The following AMHR2 variants were observed in gnomAD, a reference collection of about 807,000 sequenced individuals.
AMHR2 encodes the protein anti-Muellerian hormone type-2 receptor.
A neutral mutation model predicts 61.4 loss-of-function variants in AMHR2; 36 were observed. The observed-to-expected ratio is 0.59, with a 90% CI of 0.45 to 0.77. The LOEUF is 0.77. AMHR2 is among the 30% of genes least tolerant of loss of function. AMHR2 has a pLI of 0.00. For synonymous variants in AMHR2, 258 were observed against 279.4 expected (o/e 0.92, Z 0.76); for missense variants, 638 against 714.6 (o/e 0.89, Z 1.22).
intron 10 of AMHR2, chr12:53,430,882 A>G: frequency 2.0e-6 from 1 of 495,906 alleles, no homozygotes; most frequent in Non-Finnish European, 3.7e-6. Flanking sequence ...CTTGCAGAAG[A>G]CTCTGGCTCT....
At chr12:53,424,952 A>T (rs1182152998) in intron 3 of AMHR2, 52 bp downstream of exon 3, 1 of 1,582,664 alleles carries the variant, frequency 6.3e-7, no homozygotes, top group African/African-American at 1.3e-5. Context: ...CCAGGTTAGG[A>T]TGAGAGGTGG....
In AMHR2 at chr12:53,424,345, C is replaced by T; in HGVS notation, c.107C>T (p.Thr36Ile). Residue 36 changes from threonine (T) to isoleucine (I), a missense_variant, in exon 2 of 11, where the codon ACA (threonine) becomes ATA (isoleucine). Transcript: ENST00000257863. Reference protein sequence around the residue: ...FFEAPGVRGSTKTLGELLDTG... With the variant: ...FFEAPGVRGSIKTLGELLDTG... ...GAGGCCCCTGGAGTGCGGGGAAGCA[C>T]AAAGACACTGGGAGAGCTGCTAGAT... The T allele has an allele frequency of 6.2e-7, 1 of 1,613,304 alleles. No individual in the cohort carries two copies.
intron 3 of AMHR2, 23 bp downstream of exon 3, chr12:53,424,923 G>A (rs751139242): frequency 6.2e-7 from 1 of 1,604,868 alleles, no homozygotes; most frequent in Non-Finnish European, 8.5e-7. Context: ...GGGTACTGAA[G>A]CCTGATGGGG....
At chr12:53,430,734 TA>T in intron 10 of AMHR2, 3 of 348,854 alleles carry the variant, frequency 8.6e-6, no homozygotes, top group South Asian at 2.8e-5. Context: ...GTTCTAGGTA[TA>T]AAAGGTGAAA....
chr12:53,429,997 G>C lies in AMHR2; in HGVS notation c.1288+19G>C. ...AGGCCTGGTAAGGATGGGTGGTACA[G>C]TCCCCTCTCCTGGGCTCCCCCCCGC... On this transcript the variant is annotated intron_variant, in intron 9 of 10. Transcript: ENST00000257863. 6.2e-7 allele frequency: 1 copy of C among 1,614,176 alleles called. No individual in the cohort carries two copies. Among genetic ancestry groups the C allele is most frequent in the Non-Finnish European group, 8.5e-7 (1 of 1,180,030 alleles).
chr12:53,431,339 C>T lies in AMHR2; in HGVS notation c.1588C>T (p.Pro530Ser). The T allele has an allele frequency of 6.2e-7, 1 of 1,614,204 alleles. No homozygotes were observed. The highest frequency in any genetic ancestry group is 8.5e-7 in the Non-Finnish European group (1 of 1,180,046). The stretch of plus-strand genomic sequence containing the variant: ...TCCACGTGGCTGCCCACCTCTCTGC[C>T]CAGAAGACTGTACTTCAATTCCTGC... Reference protein sequence around the residue: ...SCPRGCPPLCPEDCTSIPAPT... With the variant: ...SCPRGCPPLCSEDCTSIPAPT... The change falls in exon 11 of 11, where the codon CCA becomes TCA. Residue 530 changes from proline to serine, a missense_variant. Pro to Ser is a moderately conservative substitution (Grantham distance 74). Transcript: ENST00000257863.
Position 53,431,477 on chromosome 12 carries a change from T to C in AMHR2, c.*4T>C, listed in dbSNP as rs537085603. The C allele has an allele frequency of 1.2e-6, 2 of 1,614,112 alleles. No individual in the cohort carries two copies. The highest frequency in any genetic ancestry group is 1.7e-5 in the Admixed American group (1 of 60,010). On this transcript the variant is annotated 3_prime_UTR_variant, in exon 11 of 11. Transcript: ENST00000257863. ...CTGTACCCTTTCTCCTGTGTAAATATGCAGTTTATGTGTCATCAATGTACA... is the reference window on the plus strand; with the variant it reads ...CTGTACCCTTTCTCCTGTGTAAATACGCAGTTTATGTGTCATCAATGTACA...
intron 8 of AMHR2, 62 bp from the exon 9 acceptor site, chr12:53,429,768 AC>A (rs2136969609): frequency 6.2e-7 from 1 of 1,611,634 alleles, no homozygotes; most frequent in African/African-American, 1.3e-5. Context: ...TATTGCATGG[AC>A]CATTGCTGCA....
chr12:53,425,490 G>A lies in AMHR2; in HGVS notation c.538G>A (p.Glu180Lys), dbSNP rs1376519731. 6.2e-7 allele frequency: 1 copy of A among 1,614,036 alleles called. No individual in the cohort carries two copies. Among genetic ancestry groups the A allele is most frequent in the Non-Finnish European group, 8.5e-7 (1 of 1,180,036 alleles). Residue 180 changes from glutamate (E) to lysine (K), a missense_variant, in exon 5 of 11, where the codon GAG (glutamate) becomes AAG (lysine). Transcript: ENST00000257863. ...LQRKNYRVRG[E>K]PVPEPRPDSG... ...GCGAAAGAACTACAGAGTGCGAGGT[G>A]AGCCAGTGCCAGAGCCAAGGCCAGA...
intron 10 of AMHR2, 78 bp downstream of exon 10, chr12:53,430,360 G>A (rs1940008385): frequency 1.9e-6 from 3 of 1,607,602 alleles, no homozygotes; most frequent in Non-Finnish European, 2.6e-6. Context: ...CTCTGCCAGA[G>A]TGTCTGTCTA....
In AMHR2 at chr12:53,425,447, T is replaced by C. The variant is rs1307371985; in HGVS notation, c.503-8T>C. On this transcript the variant is annotated splice_region_variant and splice_polypyrimidine_tract_variant and intron_variant, in intron 4 of 10. Coordinates refer to ENST00000257863, the MANE Select transcript of AMHR2 (RefSeq NM_020547.3). ...GCACCCTGACCCTAAGGCTCTTGTC[T>C]GTTCCAGCCCTGCTACAGCGAAAGA... 1.2e-6 allele frequency: 2 copies of C among 1,613,762 alleles called. No homozygotes were observed. The highest frequency in any genetic ancestry group is 3.3e-5 in the Admixed American group (2 of 60,026).
rs1163859528 is a variant in AMHR2, at chr12:53,424,436, C to G, written c.198C>G (p.Asn66Lys). 1 of 1,613,466 alleles carries G rather than the reference C, an allele frequency of 6.2e-7. No homozygotes were observed. The highest frequency in any genetic ancestry group is 2.2e-5 in the East Asian group (1 of 44,890). The change falls in exon 2 of 11, where the codon AAC (asparagine) becomes AAG (lysine). Residue 66 changes from asparagine (N) to lysine (K), a missense_variant. Physicochemically the swap from Asn to Lys is moderately conservative, Grantham distance 94 (BLOSUM62 0). Coordinates refer to ENST00000257863, the MANE Select transcript of AMHR2 (RefSeq NM_020547.3). ...LYSRCCFGIW[N>K]LTQDRAQVEM... The stretch of plus-strand genomic sequence containing the variant: ...GCCGCTGCTGCTTTGGGATCTGGAA[C>G]CTGACCCAAGACCGGGCACAGGTGG...
intron 10 of AMHR2, 175 bp from the exon 11 acceptor site, chr12:53,431,002 T>C (rs1455233135): frequency 1.6e-5 from 13 of 795,224 alleles, no homozygotes; most frequent in South Asian, 3.2e-5. Context: ...GCCTGTTTCA[T>C]AGGGAGCAAG....
Position 53,431,628 on chromosome 12 carries a change from G to C in AMHR2, c.*155G>C. 1.1e-6 allele frequency: 1 copy of C among 937,072 alleles called. No individual in the cohort carries two copies. The highest frequency in any genetic ancestry group is 1.7e-6 in the Non-Finnish European group (1 of 599,826). 58.0% of individuals were successfully genotyped at this position (937,072 alleles called of 1,614,324 possible). On this transcript the variant is annotated 3_prime_UTR_variant, in exon 11 of 11. Coordinates refer to ENST00000257863, the MANE Select transcript of AMHR2 (RefSeq NM_020547.3). ...CATCAGTTCTGACCAGTGACTTGGG[G>C]TAGGTGTGCACAGGAAAGAGAATAA...
chr12:53,425,328 G>A lies in AMHR2; in HGVS notation c.502+86G>A. ...CCTCTCCAGGCACCCCTGACCCCAT[G>A]GTCTTGGGATCTCTATAGCCTGATT... On this transcript the variant is annotated intron_variant, in intron 4 of 10. Transcript: ENST00000257863. The A allele has an allele frequency of 2.5e-6, 4 of 1,607,244 alleles. No homozygotes were observed. The South Asian group carries it at 4.4e-5, about 18-fold the overall frequency.
intron 9 of AMHR2, 72 bp from the exon 10 acceptor site, chr12:53,430,074 C>T: frequency 1.2e-6 from 2 of 1,614,080 alleles, no homozygotes; most frequent in Non-Finnish European, 1.7e-6. Context: ...TCTGCTCTTC[C>T]CTGTCTTGCC....
intron 7 of AMHR2, 59 bp from the exon 8 acceptor site, chr12:53,429,394 A>G (rs1939910297): frequency 6.5e-7 from 1 of 1,533,910 alleles, no homozygotes; most frequent in Admixed American, 1.7e-5. Flanking sequence ...GCCGACTCAA[A>G]AAAAAAAAAA....
intron 6 of AMHR2, among the ~76,000 whole-genome samples, chr12:53,427,872 A>G (rs1474568111): frequency 6.6e-6 from 1 of 152,088 alleles, no homozygotes; most frequent in Non-Finnish European, 1.5e-5. Context: ...TTACCCCTCC[A>G]TCAGGACTGT....
At chr12:53,425,093 C>T in intron 3 of AMHR2, 72 bp from the exon 4 acceptor site, 3 of 1,607,320 alleles carry the variant, frequency 1.9e-6, no homozygotes, top group East Asian at 2.2e-5. Context: ...GACGCAAGCT[C>T]TCAGGAGGGG....
Sources: gnomAD v4.1 joint callset for allele counts (sites outside exome capture counted in the v4.1 genomes callset) on GRCh38, gnomAD v4.1.1 for gene constraint, MANE v1.5 for transcripts, NCBI Gene and HGNC (gene_info 2026-07-23, HGNC 2026-07-21) for gene names.